AP3D1: variants seen among roughly 807,000 people sequenced by gnomAD.
AP3D1 encodes adaptor related protein complex 3 subunit delta 1.
A neutral mutation model predicts 147.6 loss-of-function variants in AP3D1; 51 were observed. The observed-to-expected ratio is 0.35, with a 90% CI of 0.28 to 0.44. The LOEUF (loss-of-function observed/expected upper bound fraction) is 0.44, where lower values mean the gene tolerates loss of function less well. AP3D1 is among the 20% of genes least tolerant of loss of function. The pLI is 1.00. For synonymous variants in AP3D1, 760 were observed against 663.0 expected (o/e 1.15, Z -2.25); for missense variants, 1,421 against 1,624.2 (o/e 0.87, Z 2.15).
intron 16 of AP3D1, 21 bp downstream of exon 16, chr19:2,117,201 C>A (rs1300043072): frequency 1.9e-6 from 3 of 1,568,938 alleles, no homozygotes; most frequent in South Asian, 1.2e-5. Flanking sequence ...GGTTGCAATG[C>A]CCCCACCCCC....
intron 5 of AP3D1, among the ~76,000 whole-genome samples, chr19:2,131,237 C>G (rs1008973477): frequency 2.0e-5 from 3 of 152,266 alleles, no homozygotes; most frequent in Non-Finnish European, 4.4e-5. Context: ...CTGACAATCT[C>G]CAAGACCATC....
intron 22 of AP3D1, 86 bp downstream of exon 22, chr19:2,114,038 AT>A: frequency 6.8e-7 from 1 of 1,475,840 alleles, no homozygotes; most frequent in Non-Finnish European, 9.0e-7. Flanking sequence ...ACTCACAGCC[AT>A]TTCCCCTGAG....
chr19:2,113,074 G>A, intron 23 of AP3D1, 107 bp from the exon 24 acceptor site: 1 of 768,104 alleles, frequency 1.3e-6, no homozygotes, highest in Non-Finnish European at 2.1e-6. Flanking sequence ...CCTCACGCCT[G>A]CCTGAGAGGC....
Position 2,114,292 on chromosome 19 carries a change from C to A in AP3D1, c.2434G>T (p.Asp812Tyr). Residue 812 changes from aspartate (D) to tyrosine (Y), a missense_variant, in exon 22 of 32, where the codon GAC becomes TAC. Physicochemically the swap from Asp to Tyr is radical, Grantham distance 160. Coordinates refer to ENST00000643116, the MANE Select transcript of AP3D1 (RefSeq NM_001261826.3). ...LDIDLDKPLA[D>Y]SEKLPIQKHR... ...TTCTGAATAGGCAGTTTCTCGCTGT[C>A]GGCTAAGGGCCTGGAGGAGGAATGA... The A allele has an allele frequency of 6.2e-7, 1 of 1,611,238 alleles. No homozygotes were observed. The highest frequency in any genetic ancestry group is 8.5e-7 in the Non-Finnish European group (1 of 1,179,188).
chr19:2,109,095 G>T lies in AP3D1; in HGVS notation c.3463C>A (p.His1155Asn). The change falls in exon 30 of 32, where the codon CAT becomes AAT. Residue 1155 changes from histidine to asparagine, a missense_variant. Around this residue, in one of 6 missense-constraint regions of AP3D1, gnomAD observed 791 missense variants for 761.4 expected, o/e 1.04. Transcript: ENST00000643116. ...NLLAKICFHH[H>N]FSVVERVDSC... ...CCCTCACTCTCCTTACCGGAAAAAT[G>T]GTGGTGAAAACAGATCTTCGCCAGA... 6.2e-7 allele frequency: 1 copy of T among 1,608,266 alleles called. No individual in the cohort carries two copies. Among genetic ancestry groups the T allele is most frequent in the Non-Finnish European group, 8.5e-7 (1 of 1,178,372 alleles).
chr19:2,111,210 G>T (rs2018265265), intron 26 of AP3D1, 75 bp downstream of exon 26: 1 of 1,565,856 alleles, frequency 6.4e-7, no homozygotes, highest in Non-Finnish European at 8.8e-7. Context: ...TGTGGGGGCT[G>T]CCCGGGTTCC....
upstream of AP3D1, chr19:2,164,616 G>T (rs1402490628): frequency 5.1e-6 from 1 of 194,438 alleles, no homozygotes; most frequent in African/African-American, 2.4e-5. Context: ...CGTTCCCGGC[G>T]CTGTCAGTGT....
At chr19:2,133,679 T>G (rs2019006780) in intron 4 of AP3D1, among the ~76,000 whole-genome samples, 1 of 152,036 alleles carries the variant, frequency 6.6e-6, no homozygotes, top group East Asian at 1.9e-4. Flanking sequence ...AATTTTTGTA[T>G]TTTTAGTACA....
Position 2,109,079 on chromosome 19 carries a change from T to G in AP3D1, c.3472+7A>C, listed in dbSNP as rs549323180. ...CGTGCAATCCATCAGCCCCTCACTC[T>G]CCTTACCGGAAAAATGGTGGTGAAA... On this transcript the variant is annotated splice_region_variant and intron_variant, in intron 30 of 31. Coordinates refer to ENST00000643116, the MANE Select transcript of AP3D1 (RefSeq NM_001261826.3). 5.6e-6 allele frequency: 9 copies of G among 1,608,382 alleles called. No individual in the cohort carries two copies. Among genetic ancestry groups the G allele is most frequent in the African/African-American group, 1.3e-5 (1 of 74,640 alleles).
At chr19:2,113,975 C>A in intron 22 of AP3D1, 150 bp downstream of exon 22, 2 of 1,380,952 alleles carry the variant, frequency 1.4e-6, no homozygotes, top group Non-Finnish European at 1.9e-6. Flanking sequence ...GCCACATGTC[C>A]TCACTCCGCC....
Position 2,150,447 on chromosome 19 carries a change from C to G in AP3D1, c.96+792G>C, listed in dbSNP as rs190583958. On this transcript the variant is annotated intron_variant, in intron 1 of 31. Coordinates refer to ENST00000643116, the MANE Select transcript of AP3D1 (RefSeq NM_001261826.3). ...AGGAGCGGGAAGGAAACGATCCCCA[C>G]GGTTGTAATTTTACTTCTGGAAAAC... is the stretch of plus-strand genomic sequence containing the variant. Among the ~76,000 whole-genome samples the G allele has an allele frequency of 9.2e-5, 14 of 152,342 alleles. 1 individual carries two copies. The highest frequency in any genetic ancestry group is 3.4e-4 in the African/African-American group (14 of 41,576).
Position 2,109,859 on chromosome 19 carries a change from G to A in AP3D1, c.3350+14C>T. 3.7e-6 allele frequency: 6 copies of A among 1,613,010 alleles called. No homozygotes were observed. In the South Asian group the frequency reaches 4.4e-5, roughly 12 times the overall value. On this transcript the variant is annotated intron_variant, in intron 29 of 31. Transcript: ENST00000643116. ...GGGGGTTCGGGGACATAGGGGAGTGGGCCTGGGCCCCACCTGTAGCAGGGA... is the reference window on the plus strand; with the variant it reads ...GGGGGTTCGGGGACATAGGGGAGTGAGCCTGGGCCCCACCTGTAGCAGGGA...
Position 2,110,133 on chromosome 19 carries a change from T to A in AP3D1, c.3264+3A>T. 1 of 1,612,776 alleles carries A rather than the reference T, an allele frequency of 6.2e-7. No individual in the cohort carries two copies. The highest frequency in any genetic ancestry group is 8.5e-7 in the Non-Finnish European group (1 of 1,179,688). Reference sequence around the variant, plus strand: ...CTTCAACGCCAAGTGGAGCCCTGCATACCTTGGCAATGAAGGACAGGGTCC... The same window carrying A: ...CTTCAACGCCAAGTGGAGCCCTGCAAACCTTGGCAATGAAGGACAGGGTCC... On this transcript the variant is annotated splice_donor_region_variant and intron_variant, in intron 28 of 31. Transcript: ENST00000643116.
intron 31 of AP3D1, among the ~76,000 whole-genome samples, chr19:2,105,657 C>T (rs1484691537): frequency 6.6e-6 from 1 of 152,192 alleles, no homozygotes; most frequent in Non-Finnish European, 1.5e-5. Flanking sequence ...CACTTCACAC[C>T]TCTGTATTTC....
At chr19:2,162,038 T>TC (rs973265889) in intron 1 of AP3D1, among the ~76,000 whole-genome samples, 58 of 147,978 alleles carry the variant, frequency 3.9e-4, no homozygotes, top group Non-Finnish European at 1.5e-4. Context: ...ATTGAGTTTT[T>TC]TTTTTTTTTT....
chr19:2,161,107 C>T (rs542452353), intron 1 of AP3D1, among the ~76,000 whole-genome samples: 3 of 151,058 alleles, frequency 2.0e-5, no homozygotes, highest in Non-Finnish European at 4.4e-5. Context: ...CTAGGACCCC[C>T]AGGGTCCTCC....
At chr19:2,126,671 A>C (rs1026105712) in intron 9 of AP3D1, among the ~76,000 whole-genome samples, 2 of 148,596 alleles carry the variant, frequency 1.3e-5, no homozygotes. Flanking sequence ...AAAAAAAAAA[A>C]GAAAGAAAAA....
At chr19:2,124,076 C>A (rs1194522827) in intron 9 of AP3D1, among the ~76,000 whole-genome samples, 197 bp from the exon 10 acceptor site, 1 of 152,222 alleles carries the variant, frequency 6.6e-6, no homozygotes, top group East Asian at 1.9e-4. Context: ...AGGATAGGAA[C>A]CTGCAGGGGC....
chr19:2,136,141 T>C (rs996506179), intron 4 of AP3D1, among the ~76,000 whole-genome samples: 7 of 152,230 alleles, frequency 4.6e-5, no homozygotes, highest in Non-Finnish European at 7.3e-5. Flanking sequence ...CTAGGGCGCA[T>C]GTCGCCCGCG....
Sources: allele counts gnomAD v4.1 joint callset (sites outside exome capture counted in the v4.1 genomes callset), GRCh38; gene constraint gnomAD v4.1.1; regional missense constraint gnomAD v4.1.1; transcripts MANE v1.5; gene names NCBI Gene and HGNC (gene_info 2026-07-23, HGNC 2026-07-21).